DMXL1: variants seen among roughly 807,000 people sequenced by gnomAD.
The protein encoded by DMXL1 is Dmx like 1.
In DMXL1, 99 loss-of-function variants were observed where a neutral mutation model predicts 319.2. The observed-to-expected ratio is 0.31, with a 90% confidence interval of 0.26 to 0.37. The LOEUF is 0.37. Ranked by LOEUF, DMXL1 falls within the 10% of genes least tolerant of loss-of-function variation. DMXL1 has a pLI of 1.00. For synonymous variants in DMXL1, 1,385 were observed against 1,235.2 expected (o/e 1.12, Z -2.54); for missense variants, 3,745 against 3,595.6 (o/e 1.04, Z -1.06).
intron 1 of DMXL1, among the ~76,000 whole-genome samples, chr5:119,074,526 G>A (rs1317674164): frequency 6.6e-6 from 1 of 152,168 alleles, no homozygotes; most frequent in African/African-American, 2.4e-5. Context: ...AAGCCTGACA[G>A]GTTTTAAATG....
chr5:119,221,770 C>T (rs114033208), intron 37 of DMXL1, among the ~76,000 whole-genome samples: 3,700 of 142,418 alleles, frequency 0.026, 140 homozygotes, highest in African/African-American at 0.089. Flanking sequence ...TTTTAAATGC[C>T]AGGACAAATA....
intron 10 of DMXL1, among the ~76,000 whole-genome samples, chr5:119,129,944 C>T (rs1301320362): frequency 2.6e-5 from 4 of 152,162 alleles, no homozygotes; most frequent in Non-Finnish European, 5.9e-5. Flanking sequence ...CACTGTCATT[C>T]AGCTGGCAAG....
At chr5:119,171,315 T>C (rs762989398) in intron 24 of DMXL1, 35 bp downstream of exon 24, 7 of 1,529,602 alleles carry the variant, frequency 4.6e-6, no homozygotes, top group Non-Finnish European at 5.3e-6. Context: ...AAATGGTACA[T>C]GTCTAAAACT....
chr5:119,119,976 G>T (rs759040597), intron 8 of DMXL1, among the ~76,000 whole-genome samples: 2 of 151,894 alleles, frequency 1.3e-5, no homozygotes, highest in Non-Finnish European at 2.9e-5. Flanking sequence ...TGCTTCCCGG[G>T]TTCAAGCAGT....
At chr5:119,143,161 A>G (rs1375884144) in intron 13 of DMXL1, among the ~76,000 whole-genome samples, 1 of 152,048 alleles carries the variant, frequency 6.6e-6, no homozygotes, top group African/African-American at 2.4e-5. Context: ...AATAATCTGT[A>G]CAACAAAGCC....
chr5:119,217,422 A>G (rs1373862634), intron 35 of DMXL1, among the ~76,000 whole-genome samples: 1 of 152,066 alleles, frequency 6.6e-6, no homozygotes, highest in East Asian at 1.9e-4. Flanking sequence ...TTTTCTTAGT[A>G]TTTCTTAAAT....
Position 119,147,629 on chromosome 5 carries a change from T to C in DMXL1, c.2911+159T>C, listed in dbSNP as rs931048846. On this transcript the variant is annotated intron_variant, in intron 17 of 43. Transcript: ENST00000539542. Reference sequence around the variant, plus strand: ...AATTGAAGACTTATAGTTCTCATTATGTTTTCAGATTACTCTGACATTTAT... The same window carrying C: ...AATTGAAGACTTATAGTTCTCATTACGTTTTCAGATTACTCTGACATTTAT... The C allele has an allele frequency of 1.7e-5, 9 of 528,022 alleles. No individual in the cohort carries two copies. In the South Asian group the frequency reaches 3.0e-4, roughly 18 times the overall value. The allele number at this position is 528,022 out of a possible 1,614,324, so 32.7% of individuals were successfully genotyped here. A position where few individuals can be genotyped will look rare whatever the true frequency, so the allele number is the denominator to read the frequency against.
chr5:119,203,509 G>C (rs1235666019), intron 33 of DMXL1, 73 bp downstream of exon 33: 1 of 852,704 alleles, frequency 1.2e-6, no homozygotes, highest in Non-Finnish European at 1.7e-6. Context: ...CCATTAAAAT[G>C]AGTTGTATTT....
Position 119,150,000 on chromosome 5 carries a change from G to T in DMXL1, c.4173G>T (p.Lys1391Asn). 6.2e-7 allele frequency: 1 copy of T among 1,613,894 alleles called. No homozygotes were observed. Residue 1391 changes from lysine (K) to asparagine (N), a missense_variant, in exon 18 of 44, where the codon AAG (lysine) becomes AAT (asparagine). Transcript: ENST00000539542. ...STTRDPQAFN[K>N]AENTDYTEID... ...CCAGAGACCCCCAGGCATTCAACAA[G>T]GCTGAAAATACAGATTACACAGAAA...
chr5:119,107,686 A>T (rs151169375), intron 4 of DMXL1, among the ~76,000 whole-genome samples: 1 of 152,278 alleles, frequency 6.6e-6, no homozygotes, highest in East Asian at 1.9e-4. Flanking sequence ...TCTTAATGTT[A>T]TCTTCAGTTT....
intron 4 of DMXL1, among the ~76,000 whole-genome samples, chr5:119,109,349 C>G (rs760833029): frequency 3.9e-5 from 6 of 152,166 alleles, no homozygotes; most frequent in Non-Finnish European, 7.3e-5. Flanking sequence ...ACAGGCCTCT[C>G]CATCTGTTGA....
chr5:119,082,842 A>G (rs183843019), intron 1 of DMXL1, among the ~76,000 whole-genome samples: 37 of 152,270 alleles, frequency 2.4e-4, no homozygotes, highest in African/African-American at 5.1e-4. Flanking sequence ...ATTAGTTCCA[A>G]TTATTCAACT....
chr5:119,188,005 A>C (rs1259970354), intron 28 of DMXL1, among the ~76,000 whole-genome samples: 1 of 152,172 alleles, frequency 6.6e-6, no homozygotes, highest in Non-Finnish European at 1.5e-5. Context: ...TGAGTCTGTA[A>C]ATTTTAAACA....
rs752228206 is a variant in DMXL1, at chr5:119,134,115, C to T, written c.2191C>T (p.Leu731Phe). 40 of 1,613,900 alleles carry T rather than the reference C, an allele frequency of 2.5e-5. No individual in the cohort carries two copies. In the South Asian group the frequency reaches 3.6e-4, roughly 15 times the overall value. The part of the protein sequence containing the change: ...GVSELARINS[L>F]HVSAFSNVAW... Reference sequence around the variant, plus strand: ...TTCTGAGCTTGCCCGGATTAATTCTCTTCATGTTTCTGCCTTTTCCAATGT... The same window carrying T: ...TTCTGAGCTTGCCCGGATTAATTCTTTTCATGTTTCTGCCTTTTCCAATGT... Residue 731 changes from leucine to phenylalanine, a missense_variant, in exon 12 of 44, where the codon CTT becomes TTT. By Grantham distance (22) the Leu-to-Phe change is conservative. Around this residue, in one of 4 missense-constraint regions of DMXL1, gnomAD observed 2,096 missense variants for 1,985.4 expected, o/e 1.06. Coordinates refer to ENST00000539542, the MANE Select transcript of DMXL1 (RefSeq NM_001290321.3).
At chr5:119,157,882 T>C (rs1771451971) in intron 19 of DMXL1, among the ~76,000 whole-genome samples, 1 of 152,214 alleles carries the variant, frequency 6.6e-6, no homozygotes, top group Non-Finnish European at 1.5e-5. Context: ...TTGATAGAGA[T>C]TGCGTTGAAT....
At chr5:119,112,289 G>A (rs984822276) in intron 5 of DMXL1, among the ~76,000 whole-genome samples, 2 of 152,128 alleles carry the variant, frequency 1.3e-5, no homozygotes, top group Non-Finnish European at 2.9e-5. Context: ...GCACATTTTG[G>A]AAGTATGATT....
At chr5:119,211,633 C>A (rs1374809158) in intron 34 of DMXL1, among the ~76,000 whole-genome samples, 1 of 152,174 alleles carries the variant, frequency 6.6e-6, no homozygotes, top group Non-Finnish European at 1.5e-5. Flanking sequence ...GGTATTGACA[C>A]CATTTTATGT....
chr5:119,194,363 C>T (rs950247869), intron 30 of DMXL1, among the ~76,000 whole-genome samples: 2 of 152,184 alleles, frequency 1.3e-5, no homozygotes, highest in Non-Finnish European at 2.9e-5. Context: ...CAGTAGAACA[C>T]TAGTACTATA....
At chr5:119,118,047 G>C (rs1210871406) in intron 7 of DMXL1, among the ~76,000 whole-genome samples, 3 of 152,168 alleles carry the variant, frequency 2.0e-5, no homozygotes, top group Non-Finnish European at 4.4e-5. Context: ...TGCTGATAGG[G>C]TTTCAGGCTT....
Sources: allele counts gnomAD v4.1 joint callset (sites outside exome capture counted in the v4.1 genomes callset), GRCh38; gene constraint gnomAD v4.1.1; regional missense constraint gnomAD v4.1.1; transcripts MANE v1.5; gene names NCBI Gene and HGNC (gene_info 2026-07-23, HGNC 2026-07-21).